Variants in SLIT2 observed in about 807,000 individuals in gnomAD.
SLIT2 encodes slit homolog 2 protein.
SLIT2 carries 41 observed loss-of-function variants against 185.7 expected under a neutral mutation model. The observed-to-expected ratio is 0.22, with a 90% confidence interval of 0.17 to 0.29. SLIT2 has a LOEUF of 0.29. Among genes scored for constraint, SLIT2 ranks in the 10% least tolerant of loss-of-function variants. The pLI is 1.00. For missense variants in SLIT2, 1,571 were observed against 1,909.0 expected (o/e 0.82, Z 3.30); for synonymous variants, 693 against 680.2 (o/e 1.02, Z -0.29).
At chr4:20,441,587 A>G (rs1283875588) in intron 4 of SLIT2, among the ~76,000 whole-genome samples, 2 of 150,442 alleles carry the variant, frequency 1.3e-5, no homozygotes, top group Non-Finnish European at 2.9e-5. Flanking sequence ...CCGCACTTGC[A>G]AAAATACATA....
At chr4:20,271,318 C>G (rs16869450) in intron 4 of SLIT2, among the ~76,000 whole-genome samples, 1 of 148,102 alleles carries the variant, frequency 6.8e-6, no homozygotes, top group African/African-American at 2.5e-5. Flanking sequence ...TATATATGAT[C>G]GTTTTATAAA....
intron 9 of SLIT2, among the ~76,000 whole-genome samples, chr4:20,495,956 A>G (rs1433684956): frequency 6.6e-6 from 1 of 152,154 alleles, no homozygotes; most frequent in Non-Finnish European, 1.5e-5. Flanking sequence ...TTATTCCATG[A>G]TGAACTGAAA....
chr4:20,253,057 G>A lies in SLIT2; in HGVS notation c.-759G>A, dbSNP rs909066879. ...AGAGCGTCGCCAAGGACGCCGAGCGGGAGGCGGGATTGCCCAGACATCCTT... is the reference window on the plus strand; with the variant it reads ...AGAGCGTCGCCAAGGACGCCGAGCGAGAGGCGGGATTGCCCAGACATCCTT... On this transcript the variant is annotated 5_prime_UTR_variant, in exon 1 of 37. Transcript: ENST00000504154. Among the ~76,000 whole-genome samples the A allele has an allele frequency of 6.6e-6, 1 of 152,218 alleles. No individual in the cohort carries two copies. The highest frequency in any genetic ancestry group is 2.4e-5 in the African/African-American group (1 of 41,460).
intron 9 of SLIT2, among the ~76,000 whole-genome samples, chr4:20,498,665 GCTCCTATGTC>G (rs1718445071): frequency 6.6e-6 from 1 of 152,112 alleles, no homozygotes; most frequent in Admixed American, 6.5e-5. Context: ...TGTTGTGTTT[GCTCCTATGTC>G]CTCCTGCCTT....
chr4:20,536,575 AAAAAC>A (rs1481782724), intron 18 of SLIT2, among the ~76,000 whole-genome samples: 15 of 144,302 alleles, frequency 1.0e-4, no homozygotes, highest in African/African-American at 3.9e-4. Flanking sequence ...AAAAAAAAAA[AAAAAC>A]AAAAACCACT....
intron 4 of SLIT2, among the ~76,000 whole-genome samples, chr4:20,444,125 G>C (rs897868445): frequency 6.6e-6 from 1 of 152,244 alleles, no homozygotes; most frequent in Non-Finnish European, 1.5e-5. Flanking sequence ...AGAAGGAAAG[G>C]CTCCTTCCTA....
intron 33 of SLIT2, among the ~76,000 whole-genome samples, chr4:20,607,792 G>GGGC (rs1416788707): frequency 1.3e-5 from 2 of 152,016 alleles, no homozygotes; most frequent in Non-Finnish European, 2.9e-5. Flanking sequence ...GAGAAATGGG[G>GGGC]GGCCTCATTA....
chr4:20,593,328 A>G (rs1231900258), intron 30 of SLIT2, among the ~76,000 whole-genome samples: 1 of 152,170 alleles, frequency 6.6e-6, no homozygotes, highest in Non-Finnish European at 1.5e-5. Context: ...AGATTAAGTA[A>G]TTTAGTCAGT....
At position 20,479,041 on chromosome 4, in the gene SLIT2, C is replaced by T. The variant is rs115518486; in HGVS notation, c.468-1675C>T. On this transcript the variant is annotated intron_variant, in intron 5 of 36. Coordinates refer to ENST00000504154, the MANE Select transcript of SLIT2 (RefSeq NM_004787.4). ...GCTATTATAATAGCATGGATGTTAG[C>T]TATGATTTGGGGAAAACTTTAGTTT... 7.2e-3 allele frequency among the ~76,000 whole-genome samples: 1,093 copies of T among 152,158 alleles called. 15 individuals carry two copies. Among genetic ancestry groups the T allele is most frequent in the African/African-American group, 0.025 (1,046 of 41,520 alleles).
chr4:20,317,941 C>G (rs1241265539), intron 4 of SLIT2, among the ~76,000 whole-genome samples: 1 of 151,988 alleles, frequency 6.6e-6, no homozygotes, highest in Non-Finnish European at 1.5e-5. Context: ...GATTTCTAGC[C>G]TTATAGAAGA....
chr4:20,315,692 A>C (rs1450888612), intron 4 of SLIT2, among the ~76,000 whole-genome samples: 3 of 152,082 alleles, frequency 2.0e-5, no homozygotes, highest in Non-Finnish European at 4.4e-5. Flanking sequence ...TGTTCTATTT[A>C]GGGTAGCATT....
intron 29 of SLIT2, among the ~76,000 whole-genome samples, chr4:20,585,931 T>C (rs1358359312): frequency 6.6e-6 from 1 of 152,210 alleles, no homozygotes; most frequent in African/African-American, 2.4e-5. Flanking sequence ...GGGGAACTTT[T>C]CAATATTGGT....
intron 6 of SLIT2, among the ~76,000 whole-genome samples, chr4:20,481,181 AT>A (rs1427489725): frequency 6.6e-6 from 1 of 152,136 alleles, no homozygotes; most frequent in Non-Finnish European, 1.5e-5. Flanking sequence ...CATTAAAAAA[AT>A]AAATTTTTTA....
chr4:20,445,807 T>A (rs546840934), intron 4 of SLIT2, among the ~76,000 whole-genome samples: 7 of 152,182 alleles, frequency 4.6e-5, no homozygotes, highest in Non-Finnish European at 1.0e-4. Flanking sequence ...TTTTACCAAT[T>A]ACTACCTCTG....
intron 4 of SLIT2, among the ~76,000 whole-genome samples, chr4:20,462,175 A>G (rs528176425): frequency 1.3e-5 from 2 of 152,212 alleles, no homozygotes; most frequent in Non-Finnish European, 2.9e-5. Context: ...GCTTACATTC[A>G]CCGTTCTTCA....
intron 3 of SLIT2, among the ~76,000 whole-genome samples, chr4:20,263,456 A>G (rs754391832): frequency 4.6e-5 from 7 of 151,760 alleles, no homozygotes; most frequent in African/African-American, 7.2e-5. Context: ...TCTAGAGTAA[A>G]AGCACAGAGT....
At chr4:20,565,380 T>G (rs912846315) in intron 26 of SLIT2, among the ~76,000 whole-genome samples, 1 of 152,032 alleles carries the variant, frequency 6.6e-6, no homozygotes, top group Non-Finnish European at 1.5e-5. Flanking sequence ...AGGGATCTGC[T>G]AGCAATGAGC....
chr4:20,275,063 T>C (rs1332767826), intron 4 of SLIT2, among the ~76,000 whole-genome samples: 3 of 152,168 alleles, frequency 2.0e-5, no homozygotes, highest in Admixed American at 1.3e-4. Flanking sequence ...GGTAATATTT[T>C]AAAGTTTTTA....
intron 4 of SLIT2, among the ~76,000 whole-genome samples, chr4:20,433,788 C>G (rs1233728728): frequency 6.6e-6 from 1 of 152,188 alleles, no homozygotes; most frequent in Non-Finnish European, 1.5e-5. Flanking sequence ...GTAATTAACT[C>G]ACACATGCTC....
Sources: allele counts gnomAD v4.1 joint callset (sites outside exome capture counted in the v4.1 genomes callset), GRCh38; gene constraint gnomAD v4.1.1; transcripts MANE v1.5; gene names NCBI Gene and HGNC (gene_info 2026-07-23, HGNC 2026-07-21).